Variants in CSMD1 observed in about 807,000 individuals in gnomAD.
CSMD1 encodes CUB and Sushi multiple domains 1.
Under a neutral mutation model 417.5 loss-of-function variants are expected in CSMD1, and 213 were observed. That is an observed-to-expected ratio of 0.51 (90% CI 0.46 to 0.57). The LOEUF is 0.57. CSMD1 is among the 20% of genes least tolerant of loss of function. The pLI is 0.00. For synonymous variants in CSMD1, 2,862 were observed against 1,736.8 expected, an observed-to-expected ratio of 1.65 and a Z score of -16.11; for missense variants, 6,923 against 4,529.7, an observed-to-expected ratio of 1.53 and a Z score of -15.17.
At position 3,255,896 on chromosome 8, in the gene CSMD1, G is replaced by A. The variant is rs191861544; in HGVS notation, c.4154-25665C>T. On this transcript the variant is annotated intron_variant, in intron 26 of 69. Coordinates refer to ENST00000635120, the MANE Select transcript of CSMD1 (RefSeq NM_033225.6). The stretch of plus-strand genomic sequence containing the variant: ...GTCCTGCACCCACTTTCCGACACTC[G>A]CCAGTGAGATGAACCTGGTACCTCA... 2.1e-4 allele frequency among the ~76,000 whole-genome samples: 32 copies of A among 152,182 alleles called. No individual in the cohort carries two copies. In the East Asian group the frequency reaches 3.3e-3, roughly 16 times the overall value.
chr8:4,755,524 C>A (rs1403972369), intron 1 of CSMD1, among the ~76,000 whole-genome samples: 1 of 152,122 alleles, frequency 6.6e-6, no homozygotes, highest in Non-Finnish European at 1.5e-5. Context: ...CTGCTTTCAA[C>A]TCTGTCTTAT....
chr8:3,187,984 A>C lies in CSMD1; in HGVS notation c.5524-19T>G. ...CTTGGATCTACCAAACCATGACATT[A>C]AGTTAATATTTATTTTTGGCTTAAC... is the stretch of plus-strand genomic sequence containing the variant. On this transcript the variant is annotated intron_variant, in intron 35 of 69. Transcript: ENST00000635120. The C allele has an allele frequency of 6.2e-7, 1 of 1,602,890 alleles. No individual in the cohort carries two copies. Among genetic ancestry groups the C allele is most frequent in the Non-Finnish European group, 8.5e-7 (1 of 1,173,470 alleles).
chr8:3,041,911 T>G (rs554920260), intron 50 of CSMD1, among the ~76,000 whole-genome samples: 1 of 152,340 alleles, frequency 6.6e-6, no homozygotes, highest in East Asian at 1.9e-4. Flanking sequence ...ATTTCTAAAA[T>G]GTCTTTTGAC....
At chr8:4,153,087 G>C (rs972829762) in intron 3 of CSMD1, among the ~76,000 whole-genome samples, 3 of 152,106 alleles carry the variant, frequency 2.0e-5, no homozygotes, top group African/African-American at 4.8e-5. Flanking sequence ...TTCTTTTTCA[G>C]ATGTGTAATT....
intron 3 of CSMD1, among the ~76,000 whole-genome samples, chr8:4,285,502 G>A (rs969507116): frequency 1.3e-5 from 2 of 152,316 alleles, no homozygotes; most frequent in East Asian, 1.9e-4. Flanking sequence ...AATATAAAGA[G>A]GATGAAGACA....
At chr8:3,541,967 G>C (rs1304806136) in intron 10 of CSMD1, among the ~76,000 whole-genome samples, 1 of 152,008 alleles carries the variant, frequency 6.6e-6, no homozygotes, top group Non-Finnish European at 1.5e-5. Flanking sequence ...AGTGAGCCTA[G>C]ATGGAGCCAC....
At chr8:4,153,725 T>A (rs945058876) in intron 3 of CSMD1, among the ~76,000 whole-genome samples, 8 of 152,220 alleles carry the variant, frequency 5.3e-5, no homozygotes. Context: ...TAAGAACCCA[T>A]GCAGTGGGCA....
chr8:4,620,409 A>G (rs1357809101), intron 2 of CSMD1, among the ~76,000 whole-genome samples: 1 of 151,614 alleles, frequency 6.6e-6, no homozygotes, highest in Non-Finnish European at 1.5e-5. Flanking sequence ...AGAAACTTAA[A>G]TAATTTGACC....
intron 5 of CSMD1, among the ~76,000 whole-genome samples, chr8:3,888,176 T>G (rs547100324): frequency 6.6e-6 from 1 of 152,292 alleles, no homozygotes; most frequent in African/African-American, 2.4e-5. Context: ...CCCATAAAAA[T>G]TATAACATAC....
intron 3 of CSMD1, among the ~76,000 whole-genome samples, chr8:4,412,050 T>A (rs540647902): frequency 6.6e-6 from 1 of 151,952 alleles, no homozygotes; most frequent in Non-Finnish European, 1.5e-5. Context: ...AATATCTCAA[T>A]GTGCCTCTGA....
chr8:4,090,821 G>C (rs556834582), intron 3 of CSMD1, among the ~76,000 whole-genome samples: 1 of 152,048 alleles, frequency 6.6e-6, no homozygotes, highest in Admixed American at 6.5e-5. Flanking sequence ...TCTTTAAGTC[G>C]AATGAAAAAA....
intron 3 of CSMD1, among the ~76,000 whole-genome samples, chr8:4,192,897 C>G (rs1181885008): frequency 6.6e-6 from 1 of 152,144 alleles, no homozygotes; most frequent in East Asian, 1.9e-4. Flanking sequence ...ATAAGTCACA[C>G]CTTTAAGGAC....
intron 5 of CSMD1, among the ~76,000 whole-genome samples, chr8:3,770,459 G>A (rs1169006311): frequency 6.6e-6 from 1 of 152,234 alleles, no homozygotes; most frequent in East Asian, 1.9e-4. Flanking sequence ...AACCCAAGAG[G>A]CAGAGATTGC....
At chr8:4,081,444 G>A (rs1052774123) in intron 3 of CSMD1, among the ~76,000 whole-genome samples, 13 of 151,926 alleles carry the variant, frequency 8.6e-5, no homozygotes, top group Non-Finnish European at 1.2e-4. Context: ...ACACCTTCTG[G>A]GGACTCCAGC....
rs910412270 is a variant in CSMD1, at chr8:4,348,655, G to A, written c.415+71298C>T. Among the ~76,000 whole-genome samples, 51 of 149,896 alleles carry A rather than the reference G, an allele frequency of 3.4e-4. 1 individual carries two copies. Among genetic ancestry groups the A allele is most frequent in the African/African-American group, 1.2e-3 (48 of 40,518 alleles). Reference sequence around the variant, plus strand: ...AGAGGGGGAGAGGGAGGGGGAGAGAGAGAGAGAGAGAGAGACTCTTTTGCG... The same window carrying A: ...AGAGGGGGAGAGGGAGGGGGAGAGAAAGAGAGAGAGAGAGACTCTTTTGCG... On this transcript the variant is annotated intron_variant, in intron 3 of 69. Transcript: ENST00000635120.
At chr8:4,149,287 A>C (rs1452834717) in intron 3 of CSMD1, among the ~76,000 whole-genome samples, 6 of 152,214 alleles carry the variant, frequency 3.9e-5, no homozygotes, top group African/African-American at 1.4e-4. Context: ...TTCCTAAAAA[A>C]AGTAAAGATA....
At chr8:4,638,384 G>A (rs968379256) in intron 1 of CSMD1, among the ~76,000 whole-genome samples, 1 of 152,188 alleles carries the variant, frequency 6.6e-6, no homozygotes, top group South Asian at 2.1e-4. Context: ...GCTGGCAAAT[G>A]TCTTACTGGG....
At chr8:3,234,178 G>C (rs1247032770) in intron 26 of CSMD1, among the ~76,000 whole-genome samples, 1 of 152,170 alleles carries the variant, frequency 6.6e-6, no homozygotes, top group Non-Finnish European at 1.5e-5. Flanking sequence ...GGCAGGGCTG[G>C]CTTCCTAGCT....
chr8:4,509,101 G>T (rs1030013052), intron 2 of CSMD1, among the ~76,000 whole-genome samples: 6 of 152,036 alleles, frequency 3.9e-5, no homozygotes, highest in African/African-American at 9.7e-5. Context: ...AGGGAAAAAA[G>T]AAAATACTTG....
Sources: allele counts gnomAD v4.1 joint callset (sites outside exome capture counted in the v4.1 genomes callset), GRCh38; gene constraint gnomAD v4.1.1; transcripts MANE v1.5; gene names NCBI Gene and HGNC (gene_info 2026-07-23, HGNC 2026-07-21).